The following HNRNPAB variants were observed in gnomAD, a reference collection of about 807,000 sequenced individuals.
HNRNPAB encodes heterogeneous nuclear ribonucleoprotein A/B, also known as ABBP-1.
Under a neutral mutation model 44.1 loss-of-function variants are expected in HNRNPAB, and 17 were observed. The observed-to-expected ratio is 0.39, with a 90% CI of 0.26 to 0.58. The LOEUF is 0.58. Ranked by LOEUF, HNRNPAB falls within the 20% of genes least tolerant of loss-of-function variation. The pLI, the probability that HNRNPAB is intolerant of heterozygous loss-of-function variation, is 0.63. For missense variants in HNRNPAB, 393 were observed against 432.7 expected, an observed-to-expected ratio of 0.91 and a Z score of 0.81; for synonymous variants, 183 against 167.6, an observed-to-expected ratio of 1.09 and a Z score of -0.71.
chr5:178,206,651 CTGG>C lies in HNRNPAB; in HGVS notation c.379-78_379-76del, dbSNP rs1561661381. 14 of 1,362,310 alleles carry C rather than the reference CTGG, an allele frequency of 1.0e-5. 1 individual carries two copies. Among genetic ancestry groups the C allele is most frequent in the Middle Eastern group, 2.6e-4 (1 of 3,844 alleles). The allele number at this position is 1,362,310 out of a possible 1,614,324, so 84.4% of individuals were successfully genotyped here. A position where few individuals can be genotyped will look rare whatever the true frequency, so the allele number is the denominator to read the frequency against. The stretch of plus-strand genomic sequence containing the variant: ...GGTGAAACACATGTTTGTATCTGTA[CTGG>C]TGTCTTTATGGCTTAGAGAGAAGGG... On this transcript the variant is annotated intron_variant, in intron 3 of 7. Transcript: ENST00000358344.
chr5:178,209,394 G>A lies in HNRNPAB; in HGVS notation c.734G>A (p.Arg245His), dbSNP rs146516910. Residue 245 changes from arginine to histidine, a missense_variant, in exon 6 of 8, where the codon CGT (arginine) becomes CAT (histidine). By Grantham distance (29) the Arg-to-His change is conservative. This residue lies in a region of HNRNPAB where 210 missense variants were observed against 196.9 expected (regional missense o/e 1.07). Coordinates refer to ENST00000358344, the MANE Select transcript of HNRNPAB (RefSeq NM_031266.3). The part of the protein sequence containing the change: ...YQQQQYGSGG[R>H]GNRNRGNRGS... Reference sequence around the variant, plus strand: ...CAGCAGCAGTATGGCTCTGGGGGCCGTGGAAACCGCAACCGAGGGAACCGA... The same window carrying A: ...CAGCAGCAGTATGGCTCTGGGGGCCATGGAAACCGCAACCGAGGGAACCGA... 23 of 1,614,080 alleles carry A rather than the reference G, an allele frequency of 1.4e-5. No individual in the cohort carries two copies. The African/African-American group carries it at 1.6e-4, about 11-fold the overall frequency.
chr5:178,206,677 G>A (rs1353253240), intron 3 of HNRNPAB, 55 bp from the exon 4 acceptor site: 6 of 1,556,546 alleles, frequency 3.9e-6, no homozygotes, highest in Middle Eastern at 2.3e-4. Flanking sequence ...TTAGAGAGAA[G>A]GGCCTTGTCT....
At chr5:178,209,267 G>A in intron 5 of HNRNPAB, 63 bp from the exon 6 acceptor site, 6 of 1,269,610 alleles carry the variant, frequency 4.7e-6, no homozygotes, top group Non-Finnish European at 6.9e-6. Flanking sequence ...CAGTGAAGGT[G>A]TTTGGGCAGT....
chr5:178,210,163 C>T lies in HNRNPAB; in HGVS notation c.819C>T (p.Gly273=). ...GQSQSWNQGY[G]NYWNQGYGYQ... ...GTCAGAGTTGGAATCAGGGCTACGG[C>T]AACTACTGGAACCAGGGCTACGGCT... The change falls in exon 7 of 8, where the codon GGC becomes GGT. Residue 273 remains glycine (G), a synonymous_variant. Coordinates refer to ENST00000358344, the MANE Select transcript of HNRNPAB (RefSeq NM_031266.3). 1 of 1,613,968 alleles carries T rather than the reference C, an allele frequency of 6.2e-7. No individual in the cohort carries two copies. The highest frequency in any genetic ancestry group is 8.5e-7 in the Non-Finnish European group (1 of 1,179,860).
chr5:178,205,293 G>T (rs998614615), intron 2 of HNRNPAB, among the ~76,000 whole-genome samples: 1 of 151,314 alleles, frequency 6.6e-6, no homozygotes, highest in Non-Finnish European at 1.5e-5. Context: ...CCAGGGCCAG[G>T]GCCGGAGCCG....
intron 5 of HNRNPAB, 139 bp downstream of exon 5, chr5:178,207,364 C>G (rs1757114097): frequency 1.0e-6 from 1 of 972,040 alleles, no homozygotes; most frequent in East Asian, 2.5e-5. Flanking sequence ...GTATGCTGCC[C>G]TGATTGGGGC....
chr5:178,210,362 G>C, intron 7 of HNRNPAB, 90 bp downstream of exon 7: 2 of 1,597,398 alleles, frequency 1.3e-6, no homozygotes, highest in Non-Finnish European at 8.5e-7. Context: ...CAGGGGCTTT[G>C]GAGTCAGACA....
At chr5:178,207,617 A>G (rs1757131680) in intron 5 of HNRNPAB, among the ~76,000 whole-genome samples, 2 of 150,838 alleles carry the variant, frequency 1.3e-5, no homozygotes, top group East Asian at 3.9e-4. Context: ...TCTGTGGTGA[A>G]GTTTTTCTTA....
chr5:178,207,430 C>T (rs774678904), intron 5 of HNRNPAB, among the ~76,000 whole-genome samples: 5 of 152,184 alleles, frequency 3.3e-5, no homozygotes, highest in East Asian at 1.9e-4. Context: ...ATAAACAACA[C>T]AGGATGTGAG....
intron 3 of HNRNPAB, among the ~76,000 whole-genome samples, chr5:178,206,260 C>T (rs930426874): frequency 5.9e-5 from 9 of 152,168 alleles, no homozygotes; most frequent in African/African-American, 1.9e-4. Context: ...TGTGCCTATT[C>T]TGGGTACGGC....
At position 178,205,965 on chromosome 5, in the gene HNRNPAB, A is replaced by G. The variant is rs1400072598; in HGVS notation, c.333A>G (p.Arg111=). Residue 111 remains arginine, a synonymous_variant, in exon 3 of 8, where the codon AGA becomes AGG. Coordinates refer to ENST00000358344, the MANE Select transcript of HNRNPAB (RefSeq NM_031266.3). ...TGGATCCCAACACTGGACGGTCAAG[A>G]GGGTTTGGGTTTATCCTGTTCAAAG... ...IKMDPNTGRS[R]GFGFILFKDA... 1 of 1,614,090 alleles carries G rather than the reference A, an allele frequency of 6.2e-7. No individual in the cohort carries two copies. Among genetic ancestry groups the G allele is most frequent in the African/African-American group, 1.3e-5 (1 of 74,942 alleles).
At chr5:178,207,019 C>G in intron 4 of HNRNPAB, 75 bp from the exon 5 acceptor site, 1 of 1,593,028 alleles carries the variant, frequency 6.3e-7, no homozygotes, top group Non-Finnish European at 8.6e-7. Context: ...TCAATGGGGT[C>G]TTTTCTCCTG....
Position 178,205,752 on chromosome 5 carries a change from CTT to C in HNRNPAB, c.210-89_210-88del, listed in dbSNP as rs1757031856. On this transcript the variant is annotated intron_variant, in intron 2 of 7. Coordinates refer to ENST00000358344, the MANE Select transcript of HNRNPAB (RefSeq NM_031266.3). ...TGCAGACTCTAAGGGTAGCTGTAGACTTCGTGAGAACTTTGCCAGGGCCAGTC... is the reference window on the plus strand; with the variant it reads ...TGCAGACTCTAAGGGTAGCTGTAGACCGTGAGAACTTTGCCAGGGCCAGTC... 7 of 1,263,918 alleles carry C rather than the reference CTT, an allele frequency of 5.5e-6. No individual in the cohort carries two copies. In the South Asian group the frequency reaches 9.6e-5, roughly 17 times the overall value. The allele number at this position is 1,263,918 out of a possible 1,614,324, so 78.3% of individuals were successfully genotyped here.
chr5:178,207,345 C>A, intron 5 of HNRNPAB, 120 bp downstream of exon 5: 1 of 1,203,988 alleles, frequency 8.3e-7, no homozygotes, highest in Non-Finnish European at 1.2e-6. Context: ...TTTACTATTT[C>A]TCTGAAGCGT....
intron 5 of HNRNPAB, chr5:178,208,536 A>G (rs1372776967): frequency 6.6e-6 from 1 of 152,252 alleles, no homozygotes; most frequent in Non-Finnish European, 1.5e-5. Flanking sequence ...AGGATAGAAT[A>G]TATCAGATTG....
At chr5:178,207,853 C>G (rs896147551) in intron 5 of HNRNPAB, among the ~76,000 whole-genome samples, 2 of 152,002 alleles carry the variant, frequency 1.3e-5, no homozygotes, top group Non-Finnish European at 2.9e-5. Flanking sequence ...CAGGCATGTA[C>G]CACCATGCCT....
intron 3 of HNRNPAB, 122 bp downstream of exon 3, chr5:178,206,132 C>T (rs981640122): frequency 1.1e-6 from 1 of 904,570 alleles, no homozygotes; most frequent in South Asian, 1.7e-5. Context: ...TTGGGCAAAA[C>T]CCAAAGCCGG....
intron 5 of HNRNPAB, 61 bp downstream of exon 5, chr5:178,207,286 A>C: frequency 6.2e-7 from 1 of 1,600,684 alleles, no homozygotes. Context: ...CCTTAGAGGG[A>C]TGGGTTAGGG....
Position 178,204,676 on chromosome 5 carries a change from C to A in HNRNPAB, c.-88C>A, listed in dbSNP as rs1756974140. 2 of 332,496 alleles carry A rather than the reference C, an allele frequency of 6.0e-6. No individual in the cohort carries two copies. The highest frequency in any genetic ancestry group is 1.0e-5 in the Non-Finnish European group (2 of 190,708). The allele number at this position is 332,496 out of a possible 1,614,324, so 20.6% of individuals were successfully genotyped here. A position where few individuals can be genotyped will look rare whatever the true frequency, so the allele number is the denominator to read the frequency against. Reference sequence around the variant, plus strand: ...TCAGCAGCGCGAGCTTGAGTGCGGCCGAGCCTGCGGCGCCTTCCCCTGCGG... The same window carrying A: ...TCAGCAGCGCGAGCTTGAGTGCGGCAGAGCCTGCGGCGCCTTCCCCTGCGG... On this transcript the variant is annotated 5_prime_UTR_variant, in exon 1 of 8. Transcript: ENST00000358344.
Sources: allele counts gnomAD v4.1 joint callset (sites outside exome capture counted in the v4.1 genomes callset), GRCh38; gene constraint gnomAD v4.1.1; regional missense constraint gnomAD v4.1.1; transcripts MANE v1.5; gene names NCBI Gene and HGNC (gene_info 2026-07-23, HGNC 2026-07-21).